THRB: variants seen among roughly 807,000 people sequenced by gnomAD.
The protein encoded by THRB is nuclear receptor subfamily 1 group A member 2.
In THRB, 12 loss-of-function variants were observed where a neutral mutation model predicts 47.8. That is an observed-to-expected ratio of 0.25 (90% CI 0.16 to 0.41). The LOEUF is 0.41. Ranked by LOEUF, THRB falls within the 10% of genes least tolerant of loss-of-function variation. THRB has a pLI of 1.00. For synonymous variants in THRB, 218 were observed against 212.2 expected (o/e 1.03, Z -0.24); for missense variants, 348 against 589.2 (o/e 0.59, Z 4.24).
intron 1 of THRB, among the ~76,000 whole-genome samples, chr3:24,374,099 T>C (rs1005603539): frequency 2.6e-5 from 4 of 152,254 alleles, no homozygotes; most frequent in African/African-American, 9.6e-5. Flanking sequence ...ATATTTTTCT[T>C]TCATCAAAAC....
intron 3 of THRB, among the ~76,000 whole-genome samples, chr3:24,260,867 C>T (rs1045668779): frequency 2.0e-5 from 3 of 152,212 alleles, no homozygotes; most frequent in Non-Finnish European, 2.9e-5. Context: ...TCTATACCTA[C>T]GTATTCTATT....
At chr3:24,413,892 A>C (rs1473981254) in intron 1 of THRB, among the ~76,000 whole-genome samples, 1 of 151,868 alleles carries the variant, frequency 6.6e-6, no homozygotes, top group Non-Finnish European at 1.5e-5. Flanking sequence ...GGAAACCATC[A>C]TTCTGAGCAA....
intron 2 of THRB, among the ~76,000 whole-genome samples, chr3:24,308,557 T>A (rs577627150): frequency 6.6e-6 from 1 of 152,204 alleles, no homozygotes; most frequent in Non-Finnish European, 1.5e-5. Flanking sequence ...AAAGTAAATT[T>A]GAGGCATGTG....
chr3:24,232,193 C>T (rs749446049), intron 3 of THRB, among the ~76,000 whole-genome samples: 3 of 152,196 alleles, frequency 2.0e-5, no homozygotes, highest in Non-Finnish European at 4.4e-5. Context: ...TAGGCAACTG[C>T]TACCCAAGTA....
At chr3:24,180,427 A>G (rs2041747865) in intron 5 of THRB, among the ~76,000 whole-genome samples, 1 of 152,222 alleles carries the variant, frequency 6.6e-6, no homozygotes, top group Admixed American at 6.5e-5. Context: ...TATGCAGCAC[A>G]GCTCTGTATT....
chr3:24,260,856 A>T (rs1217003244), intron 3 of THRB, among the ~76,000 whole-genome samples: 4 of 152,224 alleles, frequency 2.6e-5, no homozygotes, highest in African/African-American at 9.6e-5. Context: ...TCGGACCAGG[A>T]TCTATACCTA....
chr3:24,334,742 T>C (rs1576927419), intron 2 of THRB, among the ~76,000 whole-genome samples: 2 of 151,916 alleles, frequency 1.3e-5, no homozygotes, highest in African/African-American at 4.8e-5. Context: ...TTTGGGGGAG[T>C]GGCTGAAGCT....
intron 4 of THRB, among the ~76,000 whole-genome samples, chr3:24,206,857 A>G (rs1337690718): frequency 6.6e-6 from 1 of 152,358 alleles, no homozygotes; most frequent in Middle Eastern, 3.4e-3. Context: ...CCATCAGAGA[A>G]TACTATAAAA....
intron 3 of THRB, among the ~76,000 whole-genome samples, chr3:24,294,068 A>G (rs1374392210): frequency 6.6e-6 from 1 of 152,286 alleles, no homozygotes; most frequent in South Asian, 2.1e-4. Context: ...TGATCAACAG[A>G]GTGCATAAGT....
chr3:24,346,537 T>A (rs886738672), intron 1 of THRB, among the ~76,000 whole-genome samples: 2 of 151,988 alleles, frequency 1.3e-5, no homozygotes, highest in Admixed American at 1.3e-4. Context: ...ATATTATTTT[T>A]TAAATCCCAG....
intron 1 of THRB, among the ~76,000 whole-genome samples, chr3:24,352,143 G>A (rs6773860): frequency 1.3e-5 from 2 of 152,078 alleles, no homozygotes; most frequent in Admixed American, 1.3e-4. Context: ...TAGCAAACAT[G>A]TTGGAAGGAA....
At chr3:24,204,681 G>T (rs1023002723) in intron 4 of THRB, among the ~76,000 whole-genome samples, 29 of 152,146 alleles carry the variant, frequency 1.9e-4, no homozygotes, top group Admixed American at 1.8e-3. Context: ...GAGAGAAGAA[G>T]GCTTCAGACA....
chr3:24,285,379 C>T (rs1429943659), intron 3 of THRB, among the ~76,000 whole-genome samples: 2 of 142,276 alleles, frequency 1.4e-5, no homozygotes, highest in Non-Finnish European at 3.0e-5. Flanking sequence ...GGGAATTGAA[C>T]TATGAGAACA....
intron 1 of THRB, among the ~76,000 whole-genome samples, chr3:24,379,071 A>G (rs949110224): frequency 2.0e-5 from 3 of 152,174 alleles, no homozygotes; most frequent in African/African-American, 7.2e-5. Context: ...AGAGTCGCAC[A>G]GCCCTGCCTA....
At chr3:24,231,400 A>G (rs1455142123) in intron 3 of THRB, among the ~76,000 whole-genome samples, 3 of 152,138 alleles carry the variant, frequency 2.0e-5, no homozygotes, top group Non-Finnish European at 2.9e-5. Context: ...AAAAATCTTA[A>G]TTCTATATAA....
intron 2 of THRB, 62 bp from the exon 3 acceptor site, chr3:24,297,433 T>C (rs1461989681): frequency 6.6e-6 from 1 of 152,236 alleles, no homozygotes; most frequent in African/African-American, 2.4e-5. Flanking sequence ...TTAGTTGCTT[T>C]TACAAAGCAG....
chr3:24,257,030 T>C (rs992625525), intron 3 of THRB, among the ~76,000 whole-genome samples: 11 of 152,276 alleles, frequency 7.2e-5, no homozygotes, highest in African/African-American at 2.6e-4. Context: ...GGGTTCTCGG[T>C]TGTGATAGCT....
chr3:24,248,935 C>T (rs1006026520), intron 3 of THRB, among the ~76,000 whole-genome samples: 1 of 152,186 alleles, frequency 6.6e-6, no homozygotes, highest in African/African-American at 2.4e-5. Context: ...TGCTTTAGTG[C>T]TCCAATTCCG....
intron 4 of THRB, among the ~76,000 whole-genome samples, chr3:24,202,171 G>A (rs771298033): frequency 6.6e-6 from 1 of 152,164 alleles, no homozygotes; most frequent in Non-Finnish European, 1.5e-5. Context: ...TAAATTCCAT[G>A]GGCTGAAATA....
Sources: gnomAD v4.1 joint callset for allele counts (sites outside exome capture counted in the v4.1 genomes callset) on GRCh38, gnomAD v4.1.1 for gene constraint, MANE v1.5 for transcripts, NCBI Gene and HGNC (gene_info 2026-07-23, HGNC 2026-07-21) for gene names.